CSMD1: variants seen among roughly 807,000 people sequenced by gnomAD.
CSMD1 encodes CUB and Sushi multiple domains 1.
In CSMD1, 213 loss-of-function variants were observed where a neutral mutation model predicts 417.5. The ratio of observed to expected loss-of-function variants is 0.51; its 90% CI spans 0.46 to 0.57. CSMD1 has a LOEUF of 0.57. Ranked by LOEUF, CSMD1 falls within the 20% of genes least tolerant of loss-of-function variation. CSMD1 has a pLI of 0.00. For synonymous variants in CSMD1, 2,862 were observed against 1,736.8 expected, an observed-to-expected ratio of 1.65 and a Z score of -16.11; for missense variants, 6,923 against 4,529.7, an observed-to-expected ratio of 1.53 and a Z score of -15.17.
At chr8:3,279,163 C>T (rs183161033) in intron 26 of CSMD1, 2 of 152,098 alleles carry the variant, frequency 1.3e-5, no homozygotes, top group East Asian at 3.9e-4. Flanking sequence ...AGCCTGAGAT[C>T]CTTAGAGAGA....
At chr8:3,445,629 A>G (rs1281766859) in intron 12 of CSMD1, among the ~76,000 whole-genome samples, 1 of 152,282 alleles carries the variant, frequency 6.6e-6, no homozygotes, top group East Asian at 1.9e-4. Flanking sequence ...GAGGCCATTC[A>G]CTTGGGAGAC....
At chr8:3,827,015 G>A (rs1265447972) in intron 5 of CSMD1, among the ~76,000 whole-genome samples, 2 of 152,070 alleles carry the variant, frequency 1.3e-5, no homozygotes, top group Non-Finnish European at 2.9e-5. Flanking sequence ...CTCCTGATAT[G>A]AAGTGATCCT....
intron 26 of CSMD1, among the ~76,000 whole-genome samples, chr8:3,231,723 T>C (rs1343564210): frequency 1.3e-5 from 2 of 152,190 alleles, no homozygotes; most frequent in Non-Finnish European, 2.9e-5. Context: ...TAGTGTCATA[T>C]GATACAGACA....
intron 1 of CSMD1, among the ~76,000 whole-genome samples, chr8:4,707,157 AAAAT>A (rs1807996494): frequency 6.6e-6 from 1 of 152,214 alleles, no homozygotes; most frequent in African/African-American, 2.4e-5. Flanking sequence ...TGAAAATAAT[AAAAT>A]AATAACTTCC....
intron 3 of CSMD1, among the ~76,000 whole-genome samples, chr8:4,083,576 A>G (rs1414436734): frequency 6.6e-6 from 1 of 152,198 alleles, no homozygotes; most frequent in African/African-American, 2.4e-5. Context: ...ACCTGACAAA[A>G]AGAAGAAATG....
intron 10 of CSMD1, among the ~76,000 whole-genome samples, chr8:3,542,049 T>G (rs1798462855): frequency 6.6e-6 from 1 of 152,162 alleles, no homozygotes; most frequent in Non-Finnish European, 1.5e-5. Context: ...AATTATCTAC[T>G]TCCACCTATG....
intron 3 of CSMD1, among the ~76,000 whole-genome samples, chr8:4,291,461 T>C (rs1238791403): frequency 6.6e-6 from 1 of 152,156 alleles, no homozygotes; most frequent in Non-Finnish European, 1.5e-5. Flanking sequence ...AAGAGAGAAG[T>C]ATTTTTCTTT....
intron 4 of CSMD1, among the ~76,000 whole-genome samples, chr8:4,012,408 G>A (rs927593279): frequency 3.9e-5 from 6 of 152,062 alleles, no homozygotes; most frequent in African/African-American, 1.4e-4. Context: ...TGCGTCGCGT[G>A]GATTTATTTT....
intron 41 of CSMD1, among the ~76,000 whole-genome samples, chr8:3,124,606 T>TTCTCCTAAAGTGTGTGCCCCTTTTCACAC (rs967009068): frequency 6.6e-6 from 1 of 152,132 alleles, no homozygotes; most frequent in African/African-American, 2.4e-5. Context: ...CTGCAGCCCC[T>TTCTCCTAAAGTGTGTGCCCCTTTTCACAC]TCTCCTAAAG....
At chr8:4,088,689 C>T (rs112100154) in intron 3 of CSMD1, among the ~76,000 whole-genome samples, 1 of 152,094 alleles carries the variant, frequency 6.6e-6, no homozygotes, top group Non-Finnish European at 1.5e-5. Flanking sequence ...TTCCTCAGTT[C>T]ATTGCAATCA....
chr8:4,811,708 AT>A (rs751241828), intron 1 of CSMD1, among the ~76,000 whole-genome samples: 20 of 152,290 alleles, frequency 1.3e-4, no homozygotes, highest in Admixed American at 7.2e-4. Flanking sequence ...AAGAAAAAAA[AT>A]GAATACTGAT....
chr8:4,078,376 G>C (rs955580892), intron 3 of CSMD1, among the ~76,000 whole-genome samples: 6 of 146,528 alleles, frequency 4.1e-5, no homozygotes, highest in African/African-American at 1.5e-4. Flanking sequence ...GTGCAGTGGC[G>C]TGATCTCGAC....
At chr8:4,077,305 A>ATATATGTACATATATATATATATG (rs1799879256) in intron 3 of CSMD1, among the ~76,000 whole-genome samples, 2 of 130,360 alleles carry the variant, frequency 1.5e-5, no homozygotes, top group African/African-American at 5.6e-5. Context: ...GTGTATATAT[A>ATATATGTACATATATATATATATG]TATATATATA....
chr8:4,838,178 G>C (rs553228021), intron 1 of CSMD1, among the ~76,000 whole-genome samples: 1 of 152,164 alleles, frequency 6.6e-6, no homozygotes, highest in African/African-American at 2.4e-5. Context: ...AAGTTAGCTT[G>C]TGTGCAGTGT....
chr8:2,963,444 G>A (rs1214906545), intron 59 of CSMD1, 49 bp from the exon 60 acceptor site: 12 of 1,578,964 alleles, frequency 7.6e-6, no homozygotes, highest in Admixed American at 1.7e-5. Context: ...TCCCGCTGCA[G>A]CGGTGATGTT....
chr8:3,982,025 G>T (rs181123492), intron 5 of CSMD1, among the ~76,000 whole-genome samples: 3 of 151,952 alleles, frequency 2.0e-5, no homozygotes, highest in Admixed American at 6.6e-5. Flanking sequence ...CAAAAAATTA[G>T]CCTGGCGCGG....
At chr8:3,810,542 C>G (rs1190636592) in intron 5 of CSMD1, among the ~76,000 whole-genome samples, 2 of 152,082 alleles carry the variant, frequency 1.3e-5, no homozygotes, top group Non-Finnish European at 2.9e-5. Context: ...TTGGTGTGGT[C>G]TGTAATCAAC....
At chr8:4,382,692 T>C (rs965630081) in intron 3 of CSMD1, among the ~76,000 whole-genome samples, 2 of 152,234 alleles carry the variant, frequency 1.3e-5, no homozygotes, top group South Asian at 2.1e-4. Context: ...TAAATTAAGA[T>C]ACATTTGAAT....
chr8:3,391,516 AC>A (rs1402105355), intron 17 of CSMD1, among the ~76,000 whole-genome samples: 1 of 152,188 alleles, frequency 6.6e-6, no homozygotes, highest in Non-Finnish European at 1.5e-5. Context: ...TTATATACAG[AC>A]ACTGTGCCAC....
Sources: gnomAD v4.1 joint callset for allele counts (sites outside exome capture counted in the v4.1 genomes callset) on GRCh38, gnomAD v4.1.1 for gene constraint, MANE v1.5 for transcripts, NCBI Gene and HGNC (gene_info 2026-07-23, HGNC 2026-07-21) for gene names.